IQSEC1: variants seen among roughly 807,000 people sequenced by gnomAD.
IQSEC1 encodes IQ motif and Sec7 domain ArfGEF 1, also known as IQ motif and SEC7 domain-containing protein 1.
IQSEC1 carries 31 observed loss-of-function variants against 91.0 expected under a neutral mutation model. That is an observed-to-expected ratio of 0.34 (90% CI 0.26 to 0.46). The LOEUF (loss-of-function observed/expected upper bound fraction) is 0.46, where lower values mean the gene tolerates loss of function less well. Ranked by LOEUF, IQSEC1 falls within the 20% of genes least tolerant of loss-of-function variation. The pLI is 1.00. For missense variants in IQSEC1, 1,388 were observed against 1,575.6 expected, an observed-to-expected ratio of 0.88 and a Z score of 2.02; for synonymous variants, 699 against 662.6, an observed-to-expected ratio of 1.05 and a Z score of -0.84.
At chr3:13,017,194 C>G (rs1703176117) in intron 1 of IQSEC1, among the ~76,000 whole-genome samples, 1 of 151,762 alleles carries the variant, frequency 6.6e-6, no homozygotes, top group Non-Finnish European at 1.5e-5. Flanking sequence ...CCCGATCACT[C>G]TGTCATCCCT....
intron 1 of IQSEC1, among the ~76,000 whole-genome samples, chr3:13,190,944 T>G (rs919853956): frequency 1.3e-5 from 2 of 152,134 alleles, no homozygotes; most frequent in African/African-American, 4.8e-5. Context: ...TTCTCTACTG[T>G]ACCCTAGTGC....
chr3:13,243,057 T>A (rs1695046860), intron 1 of IQSEC1, among the ~76,000 whole-genome samples: 2 of 152,130 alleles, frequency 1.3e-5, no homozygotes, highest in African/African-American at 2.4e-5. Flanking sequence ...GCTTCAGAAT[T>A]GTCCTGAACA....
In IQSEC1 at chr3:12,899,202, AGCC is replaced by A; in HGVS notation, c.*1778_*1780del. The A allele has an allele frequency of 1.6e-6, 1 of 628,454 alleles. No homozygotes were observed. Among genetic ancestry groups the A allele is most frequent in the Non-Finnish European group, 2.8e-6 (1 of 358,948 alleles). The allele number at this position is 628,454 out of a possible 1,614,324, so 38.9% of individuals were successfully genotyped here. A position where few individuals can be genotyped will look rare whatever the true frequency, so the allele number is the denominator to read the frequency against. ...GAGGGAAATCGGCAAAACCCTGGCC[AGCC>A]AGCCAGCCAAGGTGACACACAGCCA... is the stretch of plus-strand genomic sequence containing the variant. On this transcript the variant is annotated 3_prime_UTR_variant, in exon 14 of 14. Coordinates refer to ENST00000613206, the MANE Select transcript of IQSEC1 (RefSeq NM_001134382.3).
intron 1 of IQSEC1, among the ~76,000 whole-genome samples, chr3:12,947,952 G>A (rs548689579): frequency 1.3e-5 from 2 of 152,236 alleles, no homozygotes; most frequent in Admixed American, 6.5e-5. Flanking sequence ...TGGACACCTC[G>A]CAGGAATAGA....
chr3:13,054,659 G>A (rs1704811515), intron 1 of IQSEC1, among the ~76,000 whole-genome samples: 1 of 152,192 alleles, frequency 6.6e-6, no homozygotes, highest in African/African-American at 2.4e-5. Flanking sequence ...CCTCCTCCCT[G>A]GGCCTCCTGA....
chr3:13,088,740 G>A (rs886065484), intron 2 of IQSEC1, among the ~76,000 whole-genome samples: 7 of 152,092 alleles, frequency 4.6e-5, no homozygotes, highest in African/African-American at 1.2e-4. Flanking sequence ...ACTCTGCCTC[G>A]GGCACACTGG....
At chr3:13,159,759 G>A (rs1234117087) in intron 2 of IQSEC1, among the ~76,000 whole-genome samples, 2 of 152,178 alleles carry the variant, frequency 1.3e-5, no homozygotes, top group Non-Finnish European at 2.9e-5. Flanking sequence ...GAATGTAGCT[G>A]AGTTAATTTC....
intron 1 of IQSEC1, among the ~76,000 whole-genome samples, chr3:13,194,455 C>T (rs949639815): frequency 6.6e-6 from 1 of 152,188 alleles, no homozygotes; most frequent in Admixed American, 6.5e-5. Flanking sequence ...CTCCTCCCAG[C>T]GTGCCAGGCC....
intron 2 of IQSEC1, among the ~76,000 whole-genome samples, chr3:12,939,652 T>C (rs1471869117): frequency 6.6e-6 from 1 of 152,082 alleles, no homozygotes; most frequent in Non-Finnish European, 1.5e-5. Flanking sequence ...CCCTCTTACC[T>C]CTTTGGAACC....
At chr3:12,986,107 A>T (rs1214356032) in intron 1 of IQSEC1, among the ~76,000 whole-genome samples, 2 of 152,196 alleles carry the variant, frequency 1.3e-5, no homozygotes, top group Non-Finnish European at 1.5e-5. Context: ...CTTCCATGCT[A>T]CAAACGAGGA....
At chr3:12,925,911 G>A (rs980715653) in intron 3 of IQSEC1, among the ~76,000 whole-genome samples, 15 of 152,220 alleles carry the variant, frequency 9.9e-5, no homozygotes, top group Admixed American at 6.5e-4. Context: ...CACTCCGGCC[G>A]TGTGAGCCCT....
At chr3:13,133,073 T>C (rs1052341730) in intron 2 of IQSEC1, among the ~76,000 whole-genome samples, 6 of 152,250 alleles carry the variant, frequency 3.9e-5, no homozygotes, top group African/African-American at 1.4e-4. Context: ...TAACACCATA[T>C]GTCTAACCAG....
intron 1 of IQSEC1, among the ~76,000 whole-genome samples, chr3:12,954,746 C>T (rs550859997): frequency 3.3e-5 from 5 of 152,314 alleles, no homozygotes; most frequent in East Asian, 3.9e-4. Flanking sequence ...ACATGGCAGG[C>T]GCTCAGTCTG....
chr3:12,900,033 A>G lies in IQSEC1; in HGVS notation c.*950T>C. On this transcript the variant is annotated 3_prime_UTR_variant, in exon 14 of 14. Transcript: ENST00000613206. ...AAGTGTCTAAGAATCCGTGTAACCA[A>G]TGTCCTAAGACAACCAGCTTGTAAC... 4.1e-6 allele frequency: 4 copies of G among 985,360 alleles called. No homozygotes were observed. Among genetic ancestry groups the G allele is most frequent in the Admixed American group, 6.1e-5 (1 of 16,284 alleles). The allele number at this position is 985,360 out of a possible 1,614,324, so 61.0% of individuals were successfully genotyped here. A position where few individuals can be genotyped will look rare whatever the true frequency, so the allele number is the denominator to read the frequency against.
At chr3:13,226,098 C>T (rs749696253) in intron 1 of IQSEC1, among the ~76,000 whole-genome samples, 3 of 152,136 alleles carry the variant, frequency 2.0e-5, no homozygotes, top group South Asian at 2.1e-4. Context: ...AAGCTGGTCT[C>T]GAACTCCCGA....
At chr3:13,026,864 G>GCTTTTT (rs370534423) in intron 1 of IQSEC1, among the ~76,000 whole-genome samples, 5 of 90,864 alleles carry the variant, frequency 5.5e-5, no homozygotes, top group Admixed American at 1.1e-4. Context: ...TATCTCCCCA[G>GCTTTTT]TTTTTTTTTT....
chr3:12,941,215 A>T (rs769845471), intron 2 of IQSEC1, among the ~76,000 whole-genome samples: 1 of 152,136 alleles, frequency 6.6e-6, no homozygotes, highest in Non-Finnish European at 1.5e-5. Flanking sequence ...TGTCCCGATG[A>T]CACTGGGCCT....
intron 1 of IQSEC1, among the ~76,000 whole-genome samples, chr3:13,216,010 C>T (rs967448029): frequency 1.3e-5 from 2 of 152,186 alleles, no homozygotes; most frequent in African/African-American, 4.8e-5. Flanking sequence ...ATCCAGACAC[C>T]ATGTGCAGGG....
intron 1 of IQSEC1, among the ~76,000 whole-genome samples, chr3:13,058,884 G>A (rs750851896): frequency 1.3e-5 from 2 of 152,192 alleles, no homozygotes; most frequent in Admixed American, 1.3e-4. Flanking sequence ...GGCCTTGGGT[G>A]CCCTCGGCCC....
Sources: allele counts gnomAD v4.1 joint callset (sites outside exome capture counted in the v4.1 genomes callset), GRCh38; gene constraint gnomAD v4.1.1; transcripts MANE v1.5; gene names NCBI Gene and HGNC (gene_info 2026-07-23, HGNC 2026-07-21).